Variants in GRM3 observed in about 807,000 individuals in gnomAD.
The protein encoded by GRM3 is metabotropic glutamate receptor 3.
In GRM3, 26 loss-of-function variants were observed where a neutral mutation model predicts 70.5. That is an observed-to-expected ratio of 0.37 (90% CI 0.27 to 0.51). GRM3 has a LOEUF of 0.51. Among genes scored for constraint, GRM3 ranks in the 20% least tolerant of loss-of-function variants. GRM3 has a pLI of 0.93. For synonymous variants in GRM3, 443 were observed against 434.9 expected, an observed-to-expected ratio of 1.02 and a Z score of -0.23; for missense variants, 859 against 1,123.8, an observed-to-expected ratio of 0.76 and a Z score of 3.37.
intron 1 of GRM3, among the ~76,000 whole-genome samples, chr7:86,762,295 G>A (rs779355808): frequency 6.6e-6 from 1 of 152,002 alleles, no homozygotes; most frequent in Admixed American, 6.6e-5. Flanking sequence ...AGTTAATACT[G>A]AGCATTCCAA....
chr7:86,737,613 C>G (rs945056323), intron 1 of GRM3, among the ~76,000 whole-genome samples: 6 of 152,134 alleles, frequency 3.9e-5, no homozygotes. Context: ...TTTCTCAATA[C>G]GTGCTTTAGT....
intron 1 of GRM3, among the ~76,000 whole-genome samples, chr7:86,727,500 G>T (rs1795619726): frequency 6.6e-6 from 1 of 152,160 alleles, no homozygotes; most frequent in African/African-American, 2.4e-5. Flanking sequence ...ACATAGTACA[G>T]AACATTTGTA....
intron 5 of GRM3, among the ~76,000 whole-genome samples, chr7:86,856,621 A>G (rs1006426160): frequency 6.6e-6 from 1 of 152,186 alleles, no homozygotes; most frequent in Admixed American, 6.5e-5. Context: ...GAAAGTCCAC[A>G]GCATTCCTGA....
intron 2 of GRM3, among the ~76,000 whole-genome samples, chr7:86,773,570 T>C (rs1204556589): frequency 1.3e-5 from 2 of 148,736 alleles, no homozygotes; most frequent in African/African-American, 5.0e-5. Context: ...TCAAAAGTTA[T>C]CTCAGACAGA....
At chr7:86,837,160 G>A (rs544831196) in intron 3 of GRM3, among the ~76,000 whole-genome samples, 1 of 152,298 alleles carries the variant, frequency 6.6e-6, no homozygotes, top group East Asian at 1.9e-4. Context: ...CTTGATTCTG[G>A]TATGAGGTTT....
chr7:86,738,064 C>T (rs1368246599), intron 1 of GRM3, among the ~76,000 whole-genome samples: 3 of 152,180 alleles, frequency 2.0e-5, no homozygotes, highest in Non-Finnish European at 2.9e-5. Context: ...CGCACAGTTA[C>T]TGGCCCTGGT....
At chr7:86,785,718 T>TTTG (rs1562862965) in intron 2 of GRM3, among the ~76,000 whole-genome samples, 1 of 122,574 alleles carries the variant, frequency 8.2e-6, no homozygotes, top group Non-Finnish European at 1.7e-5. Context: ...TTTTTTTTTT[T>TTTG]GCTTAACCTA....
chr7:86,764,925 T>C, intron 1 of GRM3, 81 bp from the exon 2 acceptor site: 2 of 984,694 alleles, frequency 2.0e-6, no homozygotes, highest in South Asian at 4.5e-5. Context: ...GTCATCCCAT[T>C]AAAGGTCTGA....
rs748695946 is a variant in GRM3, at chr7:86,786,815, C to T, written c.1023C>T (p.Asn341=). The change falls in exon 3 of 6, where the codon AAC becomes AAT. Residue 341 remains asparagine, a synonymous_variant. Coordinates refer to ENST00000361669, the MANE Select transcript of GRM3 (RefSeq NM_000840.3). The surrounding 1 kb of genome is among the most constrained non-coding windows in gnomAD (Gnocchi z 6.0). The part of the protein sequence containing the change: ...RQFDRYFQSL[N]PYNNHRNPWF... ...TCGACCGCTACTTCCAGAGCCTCAA[C>T]CCCTACAACAACCACCGCAACCCCT... 1.5e-5 allele frequency: 25 copies of T among 1,614,118 alleles called. No homozygotes were observed. Among genetic ancestry groups the T allele is most frequent in the Non-Finnish European group, 2.0e-5 (24 of 1,180,044 alleles).
chr7:86,796,336 A>G (rs1031541285), intron 3 of GRM3, among the ~76,000 whole-genome samples: 1 of 151,880 alleles, frequency 6.6e-6, no homozygotes. Flanking sequence ...TCCCCATTGC[A>G]TGTTTTTGTC....
intron 1 of GRM3, among the ~76,000 whole-genome samples, chr7:86,661,518 T>C (rs1236604651): frequency 6.6e-6 from 1 of 151,938 alleles, no homozygotes; most frequent in African/African-American, 2.4e-5. Context: ...AATGATCCTG[T>C]GCTTGGGATT....
chr7:86,666,326 A>C (rs972778530), intron 1 of GRM3, among the ~76,000 whole-genome samples: 46 of 152,056 alleles, frequency 3.0e-4, no homozygotes, highest in African/African-American at 1.1e-3. Context: ...TCAAGAAGCC[A>C]TGTTGCCTTT....
At chr7:86,848,881 CT>C (rs994136449) in intron 4 of GRM3, among the ~76,000 whole-genome samples, 1 of 152,126 alleles carries the variant, frequency 6.6e-6, no homozygotes, top group Non-Finnish European at 1.5e-5. Context: ...AAACACCTGA[CT>C]TTTTGTAAAT....
intron 5 of GRM3, among the ~76,000 whole-genome samples, 162 bp from the exon 6 acceptor site, chr7:86,864,120 T>C (rs1310976812): frequency 3.4e-5 from 5 of 149,198 alleles, no homozygotes; most frequent in African/African-American, 1.3e-4. Context: ...GGTGCACCCA[T>C]CACCTGGGTA....
chr7:86,826,169 C>T (rs950131140), intron 3 of GRM3, among the ~76,000 whole-genome samples: 5 of 152,198 alleles, frequency 3.3e-5, no homozygotes, highest in Non-Finnish European at 5.9e-5. Flanking sequence ...TTTATCTTCA[C>T]AAAATCGGAA....
chr7:86,770,341 C>A (rs1225565703), intron 2 of GRM3, among the ~76,000 whole-genome samples: 2 of 152,062 alleles, frequency 1.3e-5, no homozygotes, highest in African/African-American at 4.8e-5. Flanking sequence ...AAAGGACCTT[C>A]CTATCTCTTT....
At chr7:86,668,574 T>C (rs1179720507) in intron 1 of GRM3, among the ~76,000 whole-genome samples, 1 of 152,112 alleles carries the variant, frequency 6.6e-6, no homozygotes, top group Non-Finnish European at 1.5e-5. Context: ...TCTCACACTT[T>C]CTAATGACCC....
At chr7:86,714,347 C>A (rs1171104649) in intron 1 of GRM3, among the ~76,000 whole-genome samples, 1 of 151,912 alleles carries the variant, frequency 6.6e-6, no homozygotes, top group African/African-American at 2.4e-5. Context: ...ACTACTTTAA[C>A]AACAAGCTCA....
At chr7:86,818,425 A>G (rs1457418344) in intron 3 of GRM3, among the ~76,000 whole-genome samples, 1 of 152,056 alleles carries the variant, frequency 6.6e-6, no homozygotes, top group East Asian at 1.9e-4. Context: ...TGCTGGAGTC[A>G]TGTAGACCTG....
Sources: gnomAD v4.1 joint callset for allele counts (sites outside exome capture counted in the v4.1 genomes callset) on GRCh38, gnomAD v4.1.1 for gene constraint, Gnocchi (gnomAD v3.1) non-coding constraint, MANE v1.5 for transcripts, NCBI Gene and HGNC (gene_info 2026-07-23, HGNC 2026-07-21) for gene names.